The following PRDM7 variants were observed in gnomAD, a reference collection of about 807,000 sequenced individuals.
PRDM7 encodes the protein PR/SET domain 7.
In PRDM7, 52 loss-of-function variants were observed where a neutral mutation model predicts 64.3. The observed-to-expected ratio is 0.81, with a 90% CI of 0.65 to 1.02. The LOEUF (loss-of-function observed/expected upper bound fraction) is 1.02, where lower values mean the gene tolerates loss of function less well. PRDM7 is among the 50% of genes least tolerant of loss of function. The pLI is 0.00. For missense variants in PRDM7, 574 were observed against 597.1 expected, an observed-to-expected ratio of 0.96 and a Z score of 0.40; for synonymous variants, 192 against 210.1, an observed-to-expected ratio of 0.91 and a Z score of 0.74.
At position 90,075,389 on chromosome 16, in the gene PRDM7, C is replaced by T. The variant is rs779776272; in HGVS notation, c.155G>A (p.Arg52Lys). The change falls in exon 3 of 11, where the codon AGG becomes AAG. Residue 52 changes from arginine to lysine, a missense_variant. Transcript: ENST00000449207. The surrounding 1 kb of genome is among the most constrained non-coding windows in gnomAD (Gnocchi z 4.3). ...TGCATTATAGTTCATTTTCACATTCCTATAGCGAGTTTTCTCCCAGTCTCC... is the reference window on the plus strand; with the variant it reads ...TGCATTATAGTTCATTTTCACATTCTTATAGCGAGTTTTCTCCCAGTCTCC... Reference protein sequence around the residue: ...EMGDWEKTRYRNVKMNYNALI... With the variant: ...EMGDWEKTRYKNVKMNYNALI... The T allele has an allele frequency of 6.2e-5, 100 of 1,614,206 alleles. 5 individuals carry two copies. The South Asian group carries it at 9.2e-4, about 15-fold the overall frequency.
rs192533421 is a variant in PRDM7 at position 90,066,954 on chromosome 16, C to T, written c.302-44G>A. On this transcript the variant is annotated intron_variant, in intron 4 of 10. Coordinates refer to ENST00000449207, the MANE Select transcript of PRDM7 (RefSeq NM_001098173.2). ...TCAGTGGTTTGGTTGGTAAATGTTT[C>T]CAAACTCTAGAGATTTTTTTTTCTT... The T allele has an allele frequency of 3.8e-3, 5,744 of 1,509,874 alleles. 77 individuals are homozygous for T. The highest frequency in any genetic ancestry group is 9.1e-3 in the Middle Eastern group (53 of 5,836). 93.5% of individuals were successfully genotyped at this position (1,509,874 alleles called of 1,614,324 possible).
At chr16:90,063,867 C>T in intron 5 of PRDM7, 99 bp from the exon 6 acceptor site, 1 of 1,413,046 alleles carries the variant, frequency 7.1e-7, no homozygotes, top group Non-Finnish European at 9.7e-7. Context: ...ATGTTCAAAC[C>T]TTGGAAATAC....
rs1416312653 is a variant in PRDM7 at position 90,077,231 on chromosome 16, T to C, written c.-91A>G. 1 of 151,898 alleles carries C rather than the reference T, an allele frequency of 6.6e-6. No homozygotes were observed. Among genetic ancestry groups the C allele is most frequent in the Non-Finnish European group, 1.5e-5 (1 of 68,004 alleles). 9.4% of individuals were successfully genotyped at this position (151,898 alleles called of 1,614,324 possible). A position where few individuals can be genotyped will look rare whatever the true frequency, so the allele number is the denominator to read the frequency against. On this transcript the variant is annotated 5_prime_UTR_variant, in exon 1 of 11. Transcript: ENST00000449207. ...GTCTTGGGATGAGGGTTTACAAGGG[T>C]TTCACGCTGCACGACAAAGGCTCCC...
At position 90,057,606 on chromosome 16, in the gene PRDM7, A is replaced by G; in HGVS notation, c.*683T>C. The G allele has an allele frequency of 1.3e-6, 1 of 798,748 alleles. No individual in the cohort carries two copies. Among genetic ancestry groups the G allele is most frequent in the South Asian group, 2.2e-5 (1 of 44,614 alleles). 49.5% of individuals were successfully genotyped at this position (798,748 alleles called of 1,614,324 possible). ...GGGGATCAGTGCGGGAAACAACCAC[A>G]CATGTTGACGTCCCCCGAACACTTA... On this transcript the variant is annotated 3_prime_UTR_variant, in exon 11 of 11. Coordinates refer to ENST00000449207, the MANE Select transcript of PRDM7 (RefSeq NM_001098173.2).
At chr16:90,062,378 G>C in intron 7 of PRDM7, 23 bp downstream of exon 7, 1 of 1,613,618 alleles carries the variant, frequency 6.2e-7, no homozygotes, top group Admixed American at 1.7e-5. Context: ...CAAGCTGTGT[G>C]AGTGGCTGAA....
rs1044733237 is a variant in PRDM7 at position 90,060,584 on chromosome 16, C to T, written c.990G>A (p.Leu330=). Residue 330 remains leucine (L), a synonymous_variant, in exon 10 of 11, where the codon CTG becomes CTA. Transcript: ENST00000449207. ...TCTGCCTGTGGTACTGGAAGGCCACCAGGTTCTGCTCTTCATCATCCCGGG... is the reference window on the plus strand; with the variant it reads ...TCTGCCTGTGGTACTGGAAGGCCACTAGGTTCTGCTCTTCATCATCCCGGG... The part of the protein sequence containing the change: ...NCARDDEEQN[L]VAFQYHRQIF... 1 of 1,614,136 alleles carries T rather than the reference C, an allele frequency of 6.2e-7. No individual in the cohort carries two copies.
intron 4 of PRDM7, among the ~76,000 whole-genome samples, chr16:90,073,616 G>T (rs1253528882): frequency 4.6e-5 from 7 of 152,030 alleles, no homozygotes; most frequent in Non-Finnish European, 8.8e-5. Context: ...AGCCAGGATG[G>T]TCTTGATCTC....
At chr16:90,071,269 A>G (rs2037951658) in intron 4 of PRDM7, among the ~76,000 whole-genome samples, 1 of 152,090 alleles carries the variant, frequency 6.6e-6, no homozygotes, top group Admixed American at 6.6e-5. Context: ...GTAGCTGGTA[A>G]TACAGGTGCA....
intron 5 of PRDM7, among the ~76,000 whole-genome samples, chr16:90,065,588 A>C (rs1288609662): frequency 6.6e-6 from 1 of 150,648 alleles, no homozygotes; most frequent in Non-Finnish European, 1.5e-5. Flanking sequence ...CATAAAAATT[A>C]GCTGGGCATG....
At chr16:90,062,566 G>T in intron 6 of PRDM7, 64 bp from the exon 7 acceptor site, 2 of 1,336,192 alleles carry the variant, frequency 1.5e-6, no homozygotes, top group South Asian at 2.4e-5. Flanking sequence ...TGTTTCATAA[G>T]AAAATGTGAA....
Position 90,074,874 on chromosome 16 carries a change from C to T in PRDM7, c.301+42G>A, listed in dbSNP as rs766292900. On this transcript the variant is annotated intron_variant, in intron 4 of 10. Coordinates refer to ENST00000449207, the MANE Select transcript of PRDM7 (RefSeq NM_001098173.2). Reference sequence around the variant, plus strand: ...AGCCTGGGCAACAAGAGCGAAACTCCGTCTTTAAAAAAAAAAAAATCCTCC... The same window carrying T: ...AGCCTGGGCAACAAGAGCGAAACTCTGTCTTTAAAAAAAAAAAAATCCTCC... 67 of 1,592,148 alleles carry T rather than the reference C, an allele frequency of 4.2e-5. No homozygotes were observed. The African/African-American group carries it at 7.4e-4, about 18-fold the overall frequency.
In PRDM7 at chr16:90,075,504, T is replaced by C. The variant is rs754248141; in HGVS notation, c.70-30A>G. 1.2e-6 allele frequency: 2 copies of C among 1,614,188 alleles called. No individual in the cohort carries two copies. The highest frequency in any genetic ancestry group is 1.7e-5 in the Admixed American group (1 of 60,032). Reference sequence around the variant, plus strand: ...AGGAAGTAACAGATTCCATCAGTGATTTACTAATACACATCGAGCTGGTCC... The same window carrying C: ...AGGAAGTAACAGATTCCATCAGTGACTTACTAATACACATCGAGCTGGTCC... On this transcript the variant is annotated intron_variant, in intron 2 of 10. Transcript: ENST00000449207. This position sits in a 1 kb window ranked among gnomAD's most constrained non-coding sequence, Gnocchi z 4.3.
intron 4 of PRDM7, among the ~76,000 whole-genome samples, chr16:90,070,619 A>G (rs1346544579): frequency 6.6e-6 from 1 of 151,050 alleles, no homozygotes; most frequent in Non-Finnish European, 1.5e-5. Flanking sequence ...TGCTTTTATA[A>G]GAGGAAGAGA....
Position 90,058,362 on chromosome 16 carries a change from C to A in PRDM7, c.1406G>T (p.Gly469Val), listed in dbSNP as rs1453720105. ...IPAQGIRIRS[G>V]NILIHAAVMT... Reference sequence around the variant, plus strand: ...TACAGCAGCGTGGATCAGAATATTGCCGCTCCTGATTCTGATCCCCTGGGC... The same window carrying A: ...TACAGCAGCGTGGATCAGAATATTGACGCTCCTGATTCTGATCCCCTGGGC... Residue 469 changes from glycine (G) to valine (V), a missense_variant, in exon 11 of 11, where the codon GGC becomes GTC. Gly to Val is a moderately radical substitution (Grantham distance 109). Coordinates refer to ENST00000449207, the MANE Select transcript of PRDM7 (RefSeq NM_001098173.2). 1.9e-6 allele frequency: 3 copies of A among 1,614,068 alleles called. No homozygotes were observed. The African/African-American group carries it at 4.0e-5, about 22-fold the overall frequency.
At chr16:90,071,306 T>G (rs2151312285) in intron 4 of PRDM7, among the ~76,000 whole-genome samples, 1 of 152,304 alleles carries the variant, frequency 6.6e-6, no homozygotes, top group East Asian at 1.9e-4. Context: ...TAATTTTGTA[T>G]TTTTAGTAGA....
At chr16:90,066,559 G>A (rs1392401111) in intron 5 of PRDM7, among the ~76,000 whole-genome samples, 1 of 151,104 alleles carries the variant, frequency 6.6e-6, no homozygotes, top group African/African-American at 2.5e-5. Flanking sequence ...CCTGTAAAAT[G>A]GCTATAGTTA....
intron 8 of PRDM7, 111 bp from the exon 9 acceptor site, chr16:90,061,630 TGA>T: frequency 1.5e-6 from 2 of 1,299,864 alleles, no homozygotes. Flanking sequence ...AACTGCCAAC[TGA>T]GACCACATGG....
At chr16:90,069,330 A>C (rs2037924168) in intron 4 of PRDM7, among the ~76,000 whole-genome samples, 1 of 151,380 alleles carries the variant, frequency 6.6e-6, no homozygotes, top group African/African-American at 2.5e-5. Context: ...ACAGACTCTT[A>C]CCACATATCT....
intron 8 of PRDM7, among the ~76,000 whole-genome samples, 169 bp from the exon 9 acceptor site, chr16:90,061,688 T>A (rs954560961): frequency 2.6e-5 from 4 of 152,212 alleles, no homozygotes; most frequent in Non-Finnish European, 5.9e-5. Context: ...GTTTGTCCAA[T>A]CAGAGCAGAA....
Sources: gnomAD v4.1 joint callset for allele counts (sites outside exome capture counted in the v4.1 genomes callset) on GRCh38, gnomAD v4.1.1 for gene constraint, Gnocchi (gnomAD v3.1) non-coding constraint, MANE v1.5 for transcripts, NCBI Gene and HGNC (gene_info 2026-07-23, HGNC 2026-07-21) for gene names.